UNC13C: variants seen among roughly 807,000 people sequenced by gnomAD.
UNC13C encodes the protein protein unc-13 homolog C.
Under a neutral mutation model 245.4 loss-of-function variants are expected in UNC13C, and 174 were observed. The ratio of observed to expected loss-of-function variants is 0.71; its 90% CI spans 0.63 to 0.80. The LOEUF is 0.80. Ranked by LOEUF, UNC13C falls within the 30% of genes least tolerant of loss-of-function variation. The pLI, the probability that UNC13C is intolerant of heterozygous loss-of-function variation, is 0.00. For synonymous variants in UNC13C, 992 were observed against 895.1 expected (o/e 1.11, Z -1.93); for missense variants, 2,829 against 2,602.9 (o/e 1.09, Z -1.89).
intron 14 of UNC13C, among the ~76,000 whole-genome samples, chr15:54,331,758 C>G (rs182715561): frequency 6.6e-6 from 1 of 152,170 alleles, no homozygotes; most frequent in Non-Finnish European, 1.5e-5. Context: ...TGTCTGATCT[C>G]TTTCTACAAA....
intron 17 of UNC13C, among the ~76,000 whole-genome samples, chr15:54,390,418 C>G (rs2039930027): frequency 6.6e-6 from 1 of 152,072 alleles, no homozygotes; most frequent in Non-Finnish European, 1.5e-5. Context: ...TATAACCTGG[C>G]AACTTTCCAC....
At chr15:54,329,434 G>C (rs1421531049) in intron 14 of UNC13C, among the ~76,000 whole-genome samples, 1 of 151,672 alleles carries the variant, frequency 6.6e-6, no homozygotes, top group African/African-American at 2.4e-5. Flanking sequence ...TTTTATTATT[G>C]ATTTGCCCCC....
chr15:54,518,675 TGG>T (rs1895083716), intron 24 of UNC13C, among the ~76,000 whole-genome samples: 4 of 152,190 alleles, frequency 2.6e-5, no homozygotes, highest in African/African-American at 7.2e-5. Context: ...CCTGAGATAA[TGG>T]CTCACAGAGA....
At chr15:54,427,711 G>C (rs969594007) in intron 19 of UNC13C, among the ~76,000 whole-genome samples, 1 of 151,684 alleles carries the variant, frequency 6.6e-6, no homozygotes, top group Non-Finnish European at 1.5e-5. Context: ...GAAAGAAATT[G>C]TAGCTTATTA....
At position 54,566,734 on chromosome 15, in the gene UNC13C, A is replaced by G. The variant is rs545230322; in HGVS notation, c.5959-1066A>G. On this transcript the variant is annotated intron_variant, in intron 29 of 32. Coordinates refer to ENST00000260323, the MANE Select transcript of UNC13C (RefSeq NM_001080534.3). Reference sequence around the variant, plus strand: ...TTTCTGCATCTCCCCTTGAATAGGGAAAAAAAAACTGAGAAAATCAGCTCA... The same window carrying G: ...TTTCTGCATCTCCCCTTGAATAGGGGAAAAAAAACTGAGAAAATCAGCTCA... Among the ~76,000 whole-genome samples the G allele has an allele frequency of 3.7e-5, 5 of 136,198 alleles. No individual in the cohort carries two copies. In the East Asian group the frequency reaches 6.2e-4, roughly 17 times the overall value. The allele number at this position is 136,198 out of a possible 152,430, so 89.4% of individuals were successfully genotyped here.
chr15:54,297,743 T>C, intron 11 of UNC13C, 68 bp from the exon 12 acceptor site: 1 of 1,191,268 alleles, frequency 8.4e-7, no homozygotes, highest in Non-Finnish European at 1.2e-6. Context: ...TTTTTAGCTT[T>C]TGAGAGGTCG....
At chr15:54,464,198 G>T (rs974102852) in intron 19 of UNC13C, among the ~76,000 whole-genome samples, 1 of 151,994 alleles carries the variant, frequency 6.6e-6, no homozygotes, top group Admixed American at 6.6e-5. Context: ...CAATATCTTG[G>T]AATCTGAATT....
At chr15:54,090,947 G>C (rs1203347616) in intron 2 of UNC13C, among the ~76,000 whole-genome samples, 2 of 151,954 alleles carry the variant, frequency 1.3e-5, no homozygotes, top group Admixed American at 1.3e-4. Context: ...AGAAGAATTT[G>C]AGGCCTCTGT....
intron 17 of UNC13C, among the ~76,000 whole-genome samples, chr15:54,343,557 C>T (rs1022526053): frequency 2.0e-5 from 3 of 152,200 alleles, no homozygotes; most frequent in African/African-American, 7.2e-5. Flanking sequence ...ATGAATCAGC[C>T]ATCCTTTTTC....
At chr15:54,040,778 G>T (rs1896777053) in intron 2 of UNC13C, among the ~76,000 whole-genome samples, 1 of 152,208 alleles carries the variant, frequency 6.6e-6, no homozygotes, top group African/African-American at 2.4e-5. Context: ...GGTACTAACA[G>T]TGTCTGCAAC....
At chr15:54,597,688 T>A (rs1342438390) in intron 30 of UNC13C, among the ~76,000 whole-genome samples, 1 of 152,188 alleles carries the variant, frequency 6.6e-6, no homozygotes, top group African/African-American at 2.4e-5. Flanking sequence ...AATATTTGAG[T>A]AAATAAATTA....
intron 19 of UNC13C, among the ~76,000 whole-genome samples, chr15:54,487,183 T>A (rs563417970): frequency 6.6e-5 from 10 of 152,288 alleles, no homozygotes; most frequent in Admixed American, 2.0e-4. Flanking sequence ...CCTGGTTTAA[T>A]GAACCCAGGG....
chr15:54,556,518 G>C (rs1897096197), intron 29 of UNC13C, among the ~76,000 whole-genome samples: 2 of 151,924 alleles, frequency 1.3e-5, no homozygotes, highest in Non-Finnish European at 2.9e-5. Flanking sequence ...TGTGACACCT[G>C]GAGGCACCTG....
chr15:53,923,766 T>C, the UNC13C span, among the ~76,000 whole-genome samples: 3 of 152,234 alleles, frequency 2.0e-5, no homozygotes, highest in Admixed American at 6.5e-5. Flanking sequence ...TGTTTGTAAG[T>C]GCTCCAAGGC....
chr15:53,925,851 C>A, the UNC13C span, among the ~76,000 whole-genome samples: 2 of 152,168 alleles, frequency 1.3e-5, no homozygotes, highest in African/African-American at 4.8e-5. Context: ...CATGCCTGAC[C>A]AGGTGCTTCT....
intron 24 of UNC13C, among the ~76,000 whole-genome samples, chr15:54,519,752 G>A (rs1268041720): frequency 6.6e-6 from 1 of 152,134 alleles, no homozygotes; most frequent in Admixed American, 6.6e-5. Flanking sequence ...CGGTAGAGAG[G>A]ACCGTGTATT....
chr15:54,153,706 G>A (rs754901329), intron 4 of UNC13C, among the ~76,000 whole-genome samples: 13 of 151,940 alleles, frequency 8.6e-5, no homozygotes, highest in Admixed American at 2.6e-4. Context: ...CTAAGTATAT[G>A]TACCAAATAA....
the UNC13C span, among the ~76,000 whole-genome samples, chr15:53,860,607 A>G: frequency 6.6e-6 from 1 of 152,194 alleles, no homozygotes; most frequent in African/African-American, 2.4e-5. Flanking sequence ...ATTTGAAGAT[A>G]GCTGTGAAAT....
intron 4 of UNC13C, among the ~76,000 whole-genome samples, chr15:54,212,023 C>T (rs933697196): frequency 3.3e-5 from 5 of 152,064 alleles, no homozygotes; most frequent in Non-Finnish European, 7.4e-5. Flanking sequence ...AGCTCAGATG[C>T]TTTAGCTTAC....
Sources: gnomAD v4.1 joint callset for allele counts (sites outside exome capture counted in the v4.1 genomes callset) on GRCh38, gnomAD v4.1.1 for gene constraint, MANE v1.5 for transcripts, NCBI Gene and HGNC (gene_info 2026-07-23, HGNC 2026-07-21) for gene names.